The following LRRTM4 variants were observed in gnomAD, a reference collection of about 807,000 sequenced individuals.
The protein encoded by LRRTM4 is leucine rich repeat transmembrane neuronal 4.
LRRTM4 carries 25 observed loss-of-function variants against 47.6 expected under a neutral mutation model. That is an observed-to-expected ratio of 0.53 (90% CI 0.38 to 0.73). The LOEUF (loss-of-function observed/expected upper bound fraction) is 0.73. Among genes scored for constraint, LRRTM4 ranks in the 30% least tolerant of loss-of-function variants. The probability of loss-of-function intolerance (pLI) is 0.00; values close to 1 mark genes in which losing one functional copy is unlikely to be tolerated. For missense variants in LRRTM4, 638 were observed against 713.4 expected (o/e 0.89, Z 1.20); for synonymous variants, 311 against 269.5 (o/e 1.15, Z -1.51).
At chr2:77,342,263 T>C (rs1320804962) in intron 3 of LRRTM4, among the ~76,000 whole-genome samples, 1 of 151,948 alleles carries the variant, frequency 6.6e-6, no homozygotes, top group Non-Finnish European at 1.5e-5. Flanking sequence ...ACCAGGGTGG[T>C]TTTACCCTGA....
intron 3 of LRRTM4, among the ~76,000 whole-genome samples, chr2:76,895,184 A>T (rs1461530081): frequency 1.3e-5 from 2 of 151,980 alleles, no homozygotes; most frequent in African/African-American, 2.4e-5. Flanking sequence ...TATTTATAGC[A>T]TCCTGTGTTA....
chr2:77,251,145 A>G (rs1377906486), intron 3 of LRRTM4, among the ~76,000 whole-genome samples: 1 of 137,380 alleles, frequency 7.3e-6, no homozygotes, highest in East Asian at 2.1e-4. Context: ...ATGTATATAT[A>G]TGTGTGTATA....
intron 3 of LRRTM4, among the ~76,000 whole-genome samples, chr2:77,457,048 ATATG>A (rs1553446865): frequency 0.031 from 445 of 14,528 alleles, 11 homozygotes; most frequent in Non-Finnish European, 0.037. Flanking sequence ...ATATATATAT[ATATG>A]TATAACCTGG....
At chr2:77,129,875 G>A (rs1045590390) in intron 3 of LRRTM4, among the ~76,000 whole-genome samples, 1 of 152,130 alleles carries the variant, frequency 6.6e-6, no homozygotes, top group Non-Finnish European at 1.5e-5. Context: ...TAACTGTAAT[G>A]TTAGGAAAAA....
intron 3 of LRRTM4, among the ~76,000 whole-genome samples, chr2:77,360,474 TATGATAC>T (rs1672151360): frequency 7.6e-6 from 1 of 130,960 alleles, no homozygotes; most frequent in South Asian, 2.6e-4. Context: ...TACAATACGA[TATGATAC>T]GATACGATAC....
At chr2:77,330,398 C>T (rs1024244768) in intron 3 of LRRTM4, among the ~76,000 whole-genome samples, 7 of 152,018 alleles carry the variant, frequency 4.6e-5, no homozygotes, top group African/African-American at 1.7e-4. Flanking sequence ...GTGCTGATTG[C>T]AATCAAAAGA....
At chr2:76,998,874 C>G (rs1019471916) in intron 3 of LRRTM4, among the ~76,000 whole-genome samples, 19 of 151,092 alleles carry the variant, frequency 1.3e-4, no homozygotes, top group Middle Eastern at 3.4e-3. Flanking sequence ...CACTTTCAAA[C>G]TGAACTGCAG....
chr2:77,317,360 T>C (rs1260870229), intron 3 of LRRTM4, among the ~76,000 whole-genome samples: 3 of 152,196 alleles, frequency 2.0e-5, no homozygotes, highest in Non-Finnish European at 4.4e-5. Context: ...TTAGGCCATT[T>C]TATCTCTATC....
intron 3 of LRRTM4, among the ~76,000 whole-genome samples, chr2:76,799,554 C>T (rs1313377040): frequency 0.025 from 3,182 of 128,714 alleles, 56 homozygotes; most frequent in Middle Eastern, 0.053. Flanking sequence ...GACAGGGATG[C>T]CCTCTCTCAC....
chr2:77,194,088 G>T (rs942872019), intron 3 of LRRTM4, among the ~76,000 whole-genome samples: 2 of 152,156 alleles, frequency 1.3e-5, no homozygotes, highest in South Asian at 4.1e-4. Context: ...ATAACGGAAT[G>T]CTTCCCTGGG....
rs1348878833 is a variant in LRRTM4, at chr2:77,521,888, T to A, written c.-147-70A>T. The A allele has an allele frequency of 3.7e-4, 99 of 271,042 alleles. 1 individual carries two copies. Among genetic ancestry groups the A allele is most frequent in the African/African-American group, 1.2e-3 (37 of 31,682 alleles). 16.8% of individuals were successfully genotyped at this position (271,042 alleles called of 1,614,324 possible). ...ATATATATACATATATATATATATA[T>A]AAAAAATCAGCACAGGGTGGGATGG... On this transcript the variant is annotated intron_variant, in intron 1 of 3. Coordinates refer to ENST00000409884, the MANE Select transcript of LRRTM4 (RefSeq NM_001134745.3).
chr2:76,754,682 A>G (rs1573053150), intron 3 of LRRTM4, among the ~76,000 whole-genome samples: 1 of 152,134 alleles, frequency 6.6e-6, no homozygotes, highest in East Asian at 1.9e-4. Context: ...CCCCTCACCA[A>G]TAGGTGAGGT....
chr2:77,048,308 G>A (rs115997064), intron 3 of LRRTM4, among the ~76,000 whole-genome samples: 2,282 of 152,130 alleles, frequency 0.015, 68 homozygotes, highest in African/African-American at 0.053. Flanking sequence ...TATGCTAAAT[G>A]AGTCAAGGGA....
chr2:76,953,953 T>C (rs927619187), intron 3 of LRRTM4, among the ~76,000 whole-genome samples: 1 of 151,776 alleles, frequency 6.6e-6, no homozygotes, highest in Non-Finnish European at 1.5e-5. Flanking sequence ...AGCAAGAGAC[T>C]ACAACCTCCT....
At chr2:76,905,419 T>A (rs1328440523) in intron 3 of LRRTM4, among the ~76,000 whole-genome samples, 1 of 152,108 alleles carries the variant, frequency 6.6e-6, no homozygotes, top group Non-Finnish European at 1.5e-5. Flanking sequence ...GCAGAAATAC[T>A]GGAAACTCTA....
intron 3 of LRRTM4, among the ~76,000 whole-genome samples, chr2:77,249,656 G>A (rs1428893110): frequency 2.0e-5 from 3 of 152,114 alleles, no homozygotes; most frequent in Non-Finnish European, 2.9e-5. Context: ...AATCCAGAGC[G>A]CTGATAATAC....
chr2:76,975,504 C>T (rs550377268), intron 3 of LRRTM4, among the ~76,000 whole-genome samples: 27 of 151,594 alleles, frequency 1.8e-4, no homozygotes, highest in South Asian at 1.0e-3. Flanking sequence ...GATAATACCA[C>T]GTTCTGGCAA....
chr2:76,998,903 G>A (rs551400637), intron 3 of LRRTM4, among the ~76,000 whole-genome samples: 13 of 151,578 alleles, frequency 8.6e-5, no homozygotes, highest in East Asian at 1.9e-4. Context: ...ATAAATCAAC[G>A]TAATTAAACC....
intron 3 of LRRTM4, among the ~76,000 whole-genome samples, chr2:77,031,750 T>A (rs1678664684): frequency 6.6e-6 from 1 of 152,106 alleles, no homozygotes; most frequent in African/African-American, 2.4e-5. Flanking sequence ...TGCGTGTGTG[T>A]GACAGAGAGA....
Sources: gnomAD v4.1 joint callset for allele counts (sites outside exome capture counted in the v4.1 genomes callset) on GRCh38, gnomAD v4.1.1 for gene constraint, MANE v1.5 for transcripts, NCBI Gene and HGNC (gene_info 2026-07-23, HGNC 2026-07-21) for gene names.